Variants in ELAPOR1 observed in about 807,000 individuals in gnomAD.
The protein encoded by ELAPOR1 is endosome-lysosome associated apoptosis and autophagy regulator 1.
In ELAPOR1, 77 loss-of-function variants were observed where a neutral mutation model predicts 119.7. The ratio of observed to expected loss-of-function variants is 0.64; its 90% CI spans 0.54 to 0.78. The LOEUF (loss-of-function observed/expected upper bound fraction) is 0.78. Among genes scored for constraint, ELAPOR1 ranks in the 30% least tolerant of loss-of-function variants. ELAPOR1 has a pLI of 0.00. For missense variants in ELAPOR1, 1,115 were observed against 1,270.4 expected (o/e 0.88, Z 1.86); for synonymous variants, 481 against 487.2 (o/e 0.99, Z 0.17).
intron 1 of ELAPOR1, among the ~76,000 whole-genome samples, chr1:109,138,588 G>A (rs1287262677): frequency 2.0e-5 from 3 of 152,082 alleles, no homozygotes; most frequent in African/African-American, 7.2e-5. Context: ...AGCAGCAGCA[G>A]CAGCAGGCTA....
At chr1:109,133,315 G>C (rs1649263912) in intron 1 of ELAPOR1, among the ~76,000 whole-genome samples, 1 of 151,576 alleles carries the variant, frequency 6.6e-6, no homozygotes, top group Non-Finnish European at 1.5e-5. Context: ...AAATGGACTG[G>C]AAACTTGACC....
chr1:109,184,730 G>A (rs1046816182), intron 7 of ELAPOR1, among the ~76,000 whole-genome samples: 3 of 152,190 alleles, frequency 2.0e-5, no homozygotes, highest in South Asian at 2.1e-4. Context: ...AGCTGTTTCC[G>A]TCTACCCTCC....
chr1:109,185,176 G>C, intron 8 of ELAPOR1, 43 bp downstream of exon 8: 1 of 1,440,232 alleles, frequency 6.9e-7, no homozygotes, highest in Non-Finnish European at 9.8e-7. Context: ...CAGATGGACT[G>C]TCTCCCACTC....
chr1:109,175,954 G>T (rs984078194), intron 7 of ELAPOR1, among the ~76,000 whole-genome samples: 2 of 150,740 alleles, frequency 1.3e-5, no homozygotes, highest in African/African-American at 4.9e-5. Flanking sequence ...AGCCTATATT[G>T]ATGAACAAGA....
intron 3 of ELAPOR1, among the ~76,000 whole-genome samples, chr1:109,171,384 C>CT (rs1651913306): frequency 1.3e-5 from 2 of 151,634 alleles, no homozygotes; most frequent in Admixed American, 6.6e-5. Context: ...CCTGTCTCTA[C>CT]TAAAAAAAAA....
rs1327239788 is a variant in ELAPOR1 at position 109,204,049 on chromosome 1, A to T, written c.*1037A>T. ...AGCTATCCTCCCATCTCAACCTCTC[A>T]AGTAGCTAGGACTACAAGTGTGCAC... is the stretch of plus-strand genomic sequence containing the variant. On this transcript the variant is annotated 3_prime_UTR_variant, in exon 22 of 22. Coordinates refer to ENST00000369939, the MANE Select transcript of ELAPOR1 (RefSeq NM_020775.5). 6.6e-6 allele frequency: 1 copy of T among 152,140 alleles called. No homozygotes were observed. Among genetic ancestry groups the T allele is most frequent in the East Asian group, 1.9e-4 (1 of 5,176 alleles). The allele number at this position is 152,140 out of a possible 1,614,324, so 9.4% of individuals were successfully genotyped here. A position where few individuals can be genotyped will look rare whatever the true frequency, so the allele number is the denominator to read the frequency against.
Position 109,173,594 on chromosome 1 carries a change from G to T in ELAPOR1, c.802+15G>T, listed in dbSNP as rs750589639. ...TGCCATAACAGGTACTGAGAGCAGGGTTACTGACTTCCTGGGCTGTTGACT... is the reference window on the plus strand; with the variant it reads ...TGCCATAACAGGTACTGAGAGCAGGTTTACTGACTTCCTGGGCTGTTGACT... On this transcript the variant is annotated intron_variant, in intron 6 of 21. Transcript: ENST00000369939. 4.3e-6 allele frequency: 7 copies of T among 1,613,660 alleles called. No individual in the cohort carries two copies. The highest frequency in any genetic ancestry group is 5.9e-6 in the Non-Finnish European group (7 of 1,179,718).
At chr1:109,191,689 C>A in intron 12 of ELAPOR1, 37 bp from the exon 13 acceptor site, 1 of 1,611,080 alleles carries the variant, frequency 6.2e-7, no homozygotes, top group Non-Finnish European at 8.5e-7. Context: ...TCCCCTCTGG[C>A]CATCGCACCC....
intron 1 of ELAPOR1, among the ~76,000 whole-genome samples, chr1:109,145,990 A>G (rs550930780): frequency 6.6e-6 from 1 of 152,326 alleles, no homozygotes; most frequent in South Asian, 2.1e-4. Flanking sequence ...CAAAGAGAAT[A>G]TGTCTAAGAA....
intron 1 of ELAPOR1, among the ~76,000 whole-genome samples, chr1:109,128,625 G>C (rs959303592): frequency 6.6e-6 from 1 of 152,130 alleles, no homozygotes; most frequent in Non-Finnish European, 1.5e-5. Context: ...GAGCCTTTCT[G>C]GTAAAGAGGA....
chr1:109,186,783 C>T, intron 8 of ELAPOR1: 3 of 985,646 alleles, frequency 3.0e-6, no homozygotes, highest in Non-Finnish European at 3.6e-6. Context: ...CCTTCTGCCC[C>T]ATTCTCTTCC....
chr1:109,162,226 T>A (rs76742282), intron 2 of ELAPOR1, among the ~76,000 whole-genome samples: 70 of 152,358 alleles, frequency 4.6e-4, no homozygotes, highest in African/African-American at 1.6e-3. Context: ...TTGCTTTCAT[T>A]TTTTAAAGGA....
intron 1 of ELAPOR1, among the ~76,000 whole-genome samples, chr1:109,122,586 A>C (rs1325024426): frequency 6.6e-6 from 1 of 151,970 alleles, no homozygotes; most frequent in Non-Finnish European, 1.5e-5. Flanking sequence ...ACTTGAACCC[A>C]TGAGTTAAAG....
At chr1:109,191,958 T>G in intron 13 of ELAPOR1, 95 bp downstream of exon 13, 5 of 1,470,098 alleles carry the variant, frequency 3.4e-6, no homozygotes, top group Non-Finnish European at 4.7e-6. Context: ...AAGTTCAGAA[T>G]CTGAGGGTTA....
chr1:109,178,994 A>G (rs2101077933), intron 7 of ELAPOR1, among the ~76,000 whole-genome samples: 1 of 152,130 alleles, frequency 6.6e-6, no homozygotes, highest in East Asian at 1.9e-4. Flanking sequence ...TGGAGGCAAA[A>G]AAGGAAAATG....
chr1:109,170,173 T>C (rs186564715), intron 3 of ELAPOR1, among the ~76,000 whole-genome samples: 1 of 152,262 alleles, frequency 6.6e-6, no homozygotes, highest in East Asian at 1.9e-4. Context: ...TACATACATG[T>C]AGAGAACCGC....
intron 7 of ELAPOR1, among the ~76,000 whole-genome samples, chr1:109,178,833 C>T (rs149147590): frequency 0.015 from 2,340 of 152,096 alleles, 50 homozygotes; most frequent in African/African-American, 0.052. Context: ...GGTGTGGTGG[C>T]GCACGCCTGT....
In ELAPOR1 at chr1:109,200,202, C is replaced by T. The variant is rs770365450; in HGVS notation, c.2772C>T (p.Thr924=). ...GCACCTGTACTGCCATCCTGCTCAC[C>T]GTCTTGACCTGCTACTTTTGGAAAA... ...SAGTCTAILL[T]VLTCYFWKKN... is the part of the protein sequence containing the mutation. The change falls in exon 20 of 22, where the codon ACC becomes ACT. Residue 924 remains threonine, a synonymous_variant. Transcript: ENST00000369939. The T allele has an allele frequency of 1.2e-5, 19 of 1,614,042 alleles. 1 individual carries two copies. Among genetic ancestry groups the T allele is most frequent in the South Asian group, 6.6e-5 (6 of 91,082 alleles).
chr1:109,197,482 A>G lies in ELAPOR1; in HGVS notation c.2130A>G (p.Lys710=). The G allele has an allele frequency of 6.2e-7, 1 of 1,613,972 alleles. No individual in the cohort carries two copies. The highest frequency in any genetic ancestry group is 8.5e-7 in the Non-Finnish European group (1 of 1,179,922). The part of the protein sequence containing the change: ...TLSLCGNQGR[K]MSVCTDNVTD... ...CCCCACTCCCCAACCAGGGTAGGAA[A>G]ATGTCTGTGTGCACCGACAATGTCA... The change falls in exon 16 of 22, where the codon AAA becomes AAG. Residue 710 remains lysine (K), a synonymous_variant. Coordinates refer to ENST00000369939, the MANE Select transcript of ELAPOR1 (RefSeq NM_020775.5).
Sources: gnomAD v4.1 joint callset for allele counts (sites outside exome capture counted in the v4.1 genomes callset) on GRCh38, gnomAD v4.1.1 for gene constraint, MANE v1.5 for transcripts, NCBI Gene and HGNC (gene_info 2026-07-23, HGNC 2026-07-21) for gene names.